Variants in GRM7 observed in about 807,000 individuals in gnomAD.
GRM7 encodes glutamate metabotropic receptor 7, also known as metabotropic glutamate receptor 7.
GRM7 carries 35 observed loss-of-function variants against 84.5 expected under a neutral mutation model. The ratio of observed to expected loss-of-function variants is 0.41; its 90% CI spans 0.32 to 0.55. The LOEUF (loss-of-function observed/expected upper bound fraction) is 0.55, where lower values mean the gene tolerates loss of function less well. GRM7 is among the 20% of genes least tolerant of loss of function. GRM7 has a pLI of 0.19. For synonymous variants in GRM7, 487 were observed against 455.1 expected (o/e 1.07, Z -0.89); for missense variants, 1,003 against 1,194.6 (o/e 0.84, Z 2.36).
At chr3:6,884,170 A>G (rs184814791) in intron 1 of GRM7, 2 of 152,744 alleles carry the variant, frequency 1.3e-5, no homozygotes, top group Admixed American at 1.3e-4. Flanking sequence ...AAATGAAATT[A>G]TATCAATTTG....
rs1000036407 is a variant in GRM7 at position 7,099,919 on chromosome 3, ATATAT to A, written c.520-46527_520-46523del. On this transcript the variant is annotated intron_variant, in intron 1 of 9. Coordinates refer to ENST00000357716, the MANE Select transcript of GRM7 (RefSeq NM_000844.4). ...CATAGATTATACATATATAATATTA[ATATAT>A]TATATATATTATGATATACATTATG... 8.5e-5 allele frequency among the ~76,000 whole-genome samples: 8 copies of A among 94,432 alleles called. 1 individual carries two copies. The highest frequency in any genetic ancestry group is 1.3e-4 in the Non-Finnish European group (7 of 52,658). 62.0% of individuals were successfully genotyped at this position (94,432 alleles called of 152,430 possible).
At chr3:7,285,452 C>T (rs1253825231) in intron 2 of GRM7, among the ~76,000 whole-genome samples, 1 of 152,070 alleles carries the variant, frequency 6.6e-6, no homozygotes, top group East Asian at 1.9e-4. Context: ...ACATGACAAT[C>T]AAATAGGGCC....
intron 2 of GRM7, among the ~76,000 whole-genome samples, chr3:7,297,854 A>G (rs770347890): frequency 3.3e-5 from 5 of 152,174 alleles, no homozygotes; most frequent in Non-Finnish European, 4.4e-5. Flanking sequence ...AGTGTGTTTC[A>G]TAAAATGCTA....
At chr3:7,346,988 T>A (rs1193956731) in intron 4 of GRM7, among the ~76,000 whole-genome samples, 1 of 152,084 alleles carries the variant, frequency 6.6e-6, no homozygotes, top group African/African-American at 2.4e-5. Flanking sequence ...GCCAGACAGA[T>A]AAAATGGTAA....
rs550587858 is a variant in GRM7, at chr3:7,415,724, A to G, written c.1174+561A>G. 2.0e-5 allele frequency among the ~76,000 whole-genome samples: 3 copies of G among 152,274 alleles called. No individual in the cohort carries two copies. In the East Asian group the frequency reaches 5.8e-4, roughly 29 times the overall value. On this transcript the variant is annotated intron_variant, in intron 5 of 9. Coordinates refer to ENST00000357716, the MANE Select transcript of GRM7 (RefSeq NM_000844.4). ...ACATTCATTCATTTATTCACTCACA[A>G]ATATTTACTGAGTGACTCCTTTCTG...
At chr3:7,588,986 T>A (rs1695650049) in intron 8 of GRM7, among the ~76,000 whole-genome samples, 1 of 152,202 alleles carries the variant, frequency 6.6e-6, no homozygotes, top group Admixed American at 6.5e-5. Flanking sequence ...CAGATTGTAA[T>A]GATTGGGTTT....
intron 7 of GRM7, among the ~76,000 whole-genome samples, chr3:7,499,404 C>A (rs1336788982): frequency 6.6e-6 from 1 of 152,138 alleles, no homozygotes; most frequent in African/African-American, 2.4e-5. Flanking sequence ...AATTTGCAGA[C>A]CTTTACAAAA....
chr3:7,650,972 C>T (rs1698908234), intron 8 of GRM7, among the ~76,000 whole-genome samples: 1 of 152,180 alleles, frequency 6.6e-6, no homozygotes, highest in Admixed American at 6.5e-5. Flanking sequence ...GCCTCCTGAT[C>T]CTACCCCCAA....
intron 7 of GRM7, among the ~76,000 whole-genome samples, chr3:7,478,165 C>G (rs1698996320): frequency 6.6e-6 from 1 of 152,134 alleles, no homozygotes; most frequent in Non-Finnish European, 1.5e-5. Context: ...GCTCACTGAA[C>G]CTCATGCTAA....
intron 2 of GRM7, among the ~76,000 whole-genome samples, chr3:7,189,669 G>A (rs992998788): frequency 6.6e-6 from 1 of 152,140 alleles, no homozygotes; most frequent in African/African-American, 2.4e-5. Context: ...TAGACCCAGG[G>A]AAGATAGGAG....
At chr3:6,887,738 AT>A (rs1695757811) in intron 1 of GRM7, among the ~76,000 whole-genome samples, 1 of 152,146 alleles carries the variant, frequency 6.6e-6, no homozygotes, top group Admixed American at 6.6e-5. Flanking sequence ...TCCTTTGGGT[AT>A]ATACCCCGTA....
chr3:7,642,073 C>G (rs1186582610), intron 8 of GRM7, among the ~76,000 whole-genome samples: 3 of 152,130 alleles, frequency 2.0e-5, no homozygotes, highest in African/African-American at 7.2e-5. Context: ...TATACCAAAA[C>G]AACCACATCT....
intron 8 of GRM7, among the ~76,000 whole-genome samples, chr3:7,672,118 T>C (rs1432458183): frequency 6.6e-6 from 1 of 152,154 alleles, no homozygotes; most frequent in Admixed American, 6.5e-5. Context: ...TTCCATTATA[T>C]ACTGGGTTCT....
intron 8 of GRM7, among the ~76,000 whole-genome samples, chr3:7,600,871 G>A (rs947423922): frequency 6.6e-6 from 1 of 152,122 alleles, no homozygotes; most frequent in South Asian, 2.1e-4. Context: ...TCTTGCTAAA[G>A]TTATTTTAGG....
intron 9 of GRM7, among the ~76,000 whole-genome samples, chr3:7,710,371 C>CA (rs1701539369): frequency 6.6e-6 from 1 of 152,152 alleles, no homozygotes; most frequent in Non-Finnish European, 1.5e-5. Context: ...AGATTTTGCA[C>CA]AAAGTGCAGC....
intron 1 of GRM7, among the ~76,000 whole-genome samples, chr3:7,041,224 C>T (rs188964603): frequency 2.6e-5 from 4 of 152,090 alleles, no homozygotes; most frequent in Admixed American, 2.6e-4. Flanking sequence ...TACATATCAC[C>T]ACAATCAAGA....
At chr3:7,270,956 C>T (rs1698831080) in intron 2 of GRM7, among the ~76,000 whole-genome samples, 1 of 152,146 alleles carries the variant, frequency 6.6e-6, no homozygotes, top group South Asian at 2.1e-4. Flanking sequence ...TAGTTGTTAA[C>T]TAGCTGCCTT....
intron 2 of GRM7, among the ~76,000 whole-genome samples, chr3:7,200,113 T>C (rs1259266792): frequency 6.6e-6 from 1 of 152,154 alleles, no homozygotes; most frequent in African/African-American, 2.4e-5. Flanking sequence ...GCAGAGAAAC[T>C]GAGGAAGCCA....
intron 1 of GRM7, among the ~76,000 whole-genome samples, chr3:6,875,757 T>C (rs1487754769): frequency 1.3e-5 from 2 of 152,120 alleles, no homozygotes; most frequent in Non-Finnish European, 2.9e-5. Flanking sequence ...AGGGGTGAAG[T>C]AGGGTGGGGA....
Sources: allele counts gnomAD v4.1 joint callset (sites outside exome capture counted in the v4.1 genomes callset), GRCh38; gene constraint gnomAD v4.1.1; transcripts MANE v1.5; gene names NCBI Gene and HGNC (gene_info 2026-07-23, HGNC 2026-07-21).